The following IFNLR1 variants were observed in gnomAD, a reference collection of about 807,000 sequenced individuals.
The protein encoded by IFNLR1 is interferon lambda receptor 1.
In IFNLR1, 28 loss-of-function variants were observed where a neutral mutation model predicts 52.5. That is an observed-to-expected ratio of 0.53 (90% CI 0.40 to 0.73). The LOEUF (loss-of-function observed/expected upper bound fraction) is 0.73, where lower values mean the gene tolerates loss of function less well. Ranked by LOEUF, IFNLR1 falls within the 30% of genes least tolerant of loss-of-function variation. The pLI, the probability that IFNLR1 is intolerant of heterozygous loss-of-function variation, is 0.00. For synonymous variants in IFNLR1, 276 were observed against 274.9 expected (o/e 1.00, Z -0.04); for missense variants, 623 against 659.1 (o/e 0.95, Z 0.60).
chr1:24,185,632 G>A (rs1278101868), intron 1 of IFNLR1, among the ~76,000 whole-genome samples: 1 of 152,168 alleles, frequency 6.6e-6, no homozygotes, highest in Non-Finnish European at 1.5e-5. Context: ...GTATCACCAC[G>A]AGGCTAGTGC....
chr1:24,180,841 C>T lies in IFNLR1; in HGVS notation c.72G>A (p.Leu24=). The T allele has an allele frequency of 1.2e-6, 2 of 1,613,634 alleles. No individual in the cohort carries two copies. The highest frequency in any genetic ancestry group is 1.7e-5 in the Admixed American group (1 of 59,994). ...LLQAAPGRPR[L]APPQNVTLLS... ...GCAGCGTCACATTCTGGGGAGGGGC[C>T]AGACGGGGCCTCCCTGGGGGAAAGA... The change falls in exon 2 of 7, where the codon CTG becomes CTA. Residue 24 remains leucine (L), a synonymous_variant. Coordinates refer to ENST00000327535, the MANE Select transcript of IFNLR1 (RefSeq NM_170743.4).
At chr1:24,186,840 G>C (rs1234348925) in intron 1 of IFNLR1, among the ~76,000 whole-genome samples, 1 of 152,036 alleles carries the variant, frequency 6.6e-6, no homozygotes, top group Non-Finnish European at 1.5e-5. Context: ...CACACTTTAG[G>C]GTCAAGTGTG....
Position 24,175,858 on chromosome 1 carries a change from C to T in IFNLR1, c.182+4873G>A, listed in dbSNP as rs577750585. Among the ~76,000 whole-genome samples, 7 of 150,078 alleles carry T rather than the reference C, an allele frequency of 4.7e-5. No individual in the cohort carries two copies. The East Asian group carries it at 9.9e-4, about 21-fold the overall frequency. On this transcript the variant is annotated intron_variant, in intron 2 of 6. Transcript: ENST00000327535. ...CTGAGGCAGGAGAATCTCTTGAACC[C>T]GGGAGGCAGAGGTTGCAGTGAGCCG... is the stretch of plus-strand genomic sequence containing the variant.
chr1:24,156,937 G>C lies in IFNLR1; in HGVS notation c.*193C>G, dbSNP rs1644384495. 1.3e-5 allele frequency: 8 copies of C among 623,756 alleles called. No individual in the cohort carries two copies. Among genetic ancestry groups the C allele is most frequent in the Non-Finnish European group, 1.9e-5 (7 of 360,008 alleles). 38.6% of individuals were successfully genotyped at this position (623,756 alleles called of 1,614,324 possible). ...CCCTCTTATAGCTCAGCCTAAAGAG[G>C]GCGGGTCACAGGAGGGAGGGGCATC... On this transcript the variant is annotated 3_prime_UTR_variant, in exon 7 of 7. Coordinates refer to ENST00000327535, the MANE Select transcript of IFNLR1 (RefSeq NM_170743.4).
intron 2 of IFNLR1, among the ~76,000 whole-genome samples, chr1:24,173,760 C>T (rs1362404991): frequency 6.6e-6 from 1 of 152,004 alleles, no homozygotes; most frequent in South Asian, 2.1e-4. Flanking sequence ...GGGATCCTCC[C>T]ACCTCAGCCT....
chr1:24,176,935 GA>G (rs1380584965), intron 2 of IFNLR1, among the ~76,000 whole-genome samples: 8 of 152,028 alleles, frequency 5.3e-5, no homozygotes, highest in Admixed American at 6.6e-5. Context: ...CACAGAAAAA[GA>G]AGATCCAACA....
At chr1:24,158,016 G>A (rs1644401683) in intron 6 of IFNLR1, 125 bp from the exon 7 acceptor site, 1 of 906,994 alleles carries the variant, frequency 1.1e-6, no homozygotes, top group Admixed American at 2.8e-5. Flanking sequence ...TTCTTTGGGA[G>A]ATGATCCCAG....
intron 2 of IFNLR1, among the ~76,000 whole-genome samples, chr1:24,170,148 C>T (rs543872509): frequency 2.6e-4 from 40 of 152,352 alleles, no homozygotes; most frequent in Admixed American, 2.6e-3. Flanking sequence ...AAGGCACCAT[C>T]TTGGAAGCAG....
At chr1:24,163,020 G>T in intron 3 of IFNLR1, among the ~76,000 whole-genome samples, 1 of 136,770 alleles carries the variant, frequency 7.3e-6, no homozygotes, top group Non-Finnish European at 1.5e-5. Flanking sequence ...GAGTGCAACG[G>T]GGCGATCTCA....
intron 3 of IFNLR1, among the ~76,000 whole-genome samples, chr1:24,165,335 T>G (rs1644507763): frequency 6.6e-6 from 1 of 152,228 alleles, no homozygotes; most frequent in African/African-American, 2.4e-5. Context: ...ACAAGTTTCT[T>G]CCTTTCTCAA....
rs1489078282 is a variant in IFNLR1 at position 24,159,744 on chromosome 1, T to TTTTTTTGTTTTTTG, written c.511-112_511-111insCAAAAAACAAAAAA. On this transcript the variant is annotated intron_variant, in intron 4 of 6. Transcript: ENST00000327535. ...GTAGGGTGTTTTTTTTTTGTTTTTTTTTTTTGTTTTTTTGTAGGGGATAGG... is the reference window on the plus strand; with the variant it reads ...GTAGGGTGTTTTTTTTTTGTTTTTTTTTTTTTGTTTTTTGTTTTTGTTTTTTTGTAGGGGATAGG... 32 of 946,552 alleles carry TTTTTTTGTTTTTTG rather than the reference T, an allele frequency of 3.4e-5. No individual in the cohort carries two copies. In the East Asian group the frequency reaches 7.5e-4, roughly 22 times the overall value. 58.6% of individuals were successfully genotyped at this position (946,552 alleles called of 1,614,324 possible).
intron 3 of IFNLR1, among the ~76,000 whole-genome samples, chr1:24,162,767 TCTTTCTTTCTTTTTCTTTC>T (rs1644463467): frequency 3.5e-5 from 1 of 28,720 alleles, no homozygotes; most frequent in Non-Finnish European, 6.7e-5. Flanking sequence ...TTTCTTTCTT[TCTTTCTTTCTTTTTCTTTC>T]TTTTTCTTTC....
intron 2 of IFNLR1, among the ~76,000 whole-genome samples, chr1:24,173,086 T>C (rs1644597437): frequency 6.9e-6 from 1 of 145,516 alleles, no homozygotes. Flanking sequence ...CTATAACACC[T>C]GATATACTGG....
chr1:24,169,109 T>C (rs1456061530), intron 3 of IFNLR1, among the ~76,000 whole-genome samples: 1 of 152,218 alleles, frequency 6.6e-6, no homozygotes, highest in Non-Finnish European at 1.5e-5. Flanking sequence ...AATAAGCATA[T>C]AAAGTGCCTT....
Position 24,157,339 on chromosome 1 carries a change from C to T in IFNLR1, c.1354G>A (p.Gly452Ser), listed in dbSNP as rs1036853349. ...EDNLSSWATW[G>S]TLPPEPNLVP... Reference sequence around the variant, plus strand: ...AGATTCGGCTCCGGTGGTAAGGTGCCCCAGGTGGCCCAGGAGGAGAGGTTA... The same window carrying T: ...AGATTCGGCTCCGGTGGTAAGGTGCTCCAGGTGGCCCAGGAGGAGAGGTTA... The change falls in exon 7 of 7, where the codon GGC becomes AGC. Residue 452 changes from glycine (G) to serine (S), a missense_variant. Gly to Ser is a moderately conservative substitution (Grantham distance 56). Transcript: ENST00000327535. The surrounding 1 kb of genome is among the most constrained non-coding windows in gnomAD (Gnocchi z 5.1). 1.2e-6 allele frequency: 2 copies of T among 1,614,024 alleles called. No homozygotes were observed. Among genetic ancestry groups the T allele is most frequent in the Non-Finnish European group, 1.7e-6 (2 of 1,180,028 alleles).
At position 24,180,713 on chromosome 1, in the gene IFNLR1, CGA is replaced by C. The variant is rs764352931; in HGVS notation, c.182+16_182+17del. ...CCCCTCAGTCTTCCCATCCACCAGC[CGA>C]GAGAGTCCCCTCTACCTCTGATAGG... On this transcript the variant is annotated intron_variant, in intron 2 of 6. Transcript: ENST00000327535. 1 of 1,602,516 alleles carries C rather than the reference CGA, an allele frequency of 6.2e-7. No individual in the cohort carries two copies. Among genetic ancestry groups the C allele is most frequent in the African/African-American group, 1.3e-5 (1 of 74,230 alleles).
At chr1:24,159,422 G>A in intron 5 of IFNLR1, 52 bp downstream of exon 5, 3 of 1,543,616 alleles carry the variant, frequency 1.9e-6, no homozygotes. Context: ...GTGTCACGAA[G>A]CTCCCAAGGC....
rs764581315 is a variant in IFNLR1, at chr1:24,157,400, G to A, written c.1293C>T (p.Ser431=). The A allele has an allele frequency of 6.2e-7, 1 of 1,614,206 alleles. No individual in the cohort carries two copies. The highest frequency in any genetic ancestry group is 8.5e-7 in the Non-Finnish European group (1 of 1,180,038). ...GCTCTTCCAGGAAACCCGAGTCCTT[G>A]GAGAATTCAGGTGGTGGGAGAGATT... ...HQESLPPPEF[S]KDSGFLEELP... Residue 431 remains serine (S), a synonymous_variant, in exon 7 of 7, where the codon TCC becomes TCT. Transcript: ENST00000327535. The surrounding 1 kb of genome is among the most constrained non-coding windows in gnomAD (Gnocchi z 5.1).
At chr1:24,170,446 C>T (rs1291575730) in intron 2 of IFNLR1, among the ~76,000 whole-genome samples, 6 of 152,060 alleles carry the variant, frequency 3.9e-5, no homozygotes, top group South Asian at 2.1e-4. Context: ...CTGCAACCTC[C>T]GCCTCCTGGG....
Sources: allele counts gnomAD v4.1 joint callset (sites outside exome capture counted in the v4.1 genomes callset), GRCh38; gene constraint gnomAD v4.1.1; non-coding constraint Gnocchi (gnomAD v3.1); transcripts MANE v1.5; gene names NCBI Gene and HGNC (gene_info 2026-07-23, HGNC 2026-07-21).